The following HSF5 variants were observed in gnomAD, a reference collection of about 807,000 sequenced individuals.
HSF5 encodes the protein heat shock factor protein 5.
In HSF5, 5 loss-of-function variants were observed where a neutral mutation model predicts 50.8. The ratio of observed to expected loss-of-function variants is 0.10; its 90% CI spans 0.05 to 0.21. The LOEUF (loss-of-function observed/expected upper bound fraction) is 0.21. Among genes scored for constraint, HSF5 ranks in the 10% least tolerant of loss-of-function variants. The pLI is 1.00. For synonymous variants in HSF5, 307 were observed against 307.4 expected, an observed-to-expected ratio of 1.00 and a Z score of 0.02; for missense variants, 564 against 762.6, an observed-to-expected ratio of 0.74 and a Z score of 3.07.
At chr17:58,424,943 C>CAAA (rs895415985) in intron 5 of HSF5, among the ~76,000 whole-genome samples, 3 of 152,074 alleles carry the variant, frequency 2.0e-5, no homozygotes, top group African/African-American at 7.2e-5. Context: ...AATTCAGAGA[C>CAAA]AAAAAATAGA....
Position 58,488,066 on chromosome 17 carries a change from TCGGGCTCGG to T in HSF5, c.200_208del (p.Ala67_Pro69del). 6.3e-7 allele frequency: 1 copy of T among 1,592,926 alleles called. No homozygotes were observed. The highest frequency in any genetic ancestry group is 8.5e-7 in the Non-Finnish European group (1 of 1,173,904). Reference sequence around the variant, plus strand: ...GGTGAAGCTGGTGGTTTTGAAGAGCTCGGGCTCGGCCCCGGCCCCCGCAGTCCCGCCACC... The same window carrying T: ...GGTGAAGCTGGTGGTTTTGAAGAGCTCCCCGGCCCCCGCAGTCCCGCCACC... On this transcript the variant is annotated inframe_deletion, in exon 1 of 6. Transcript: ENST00000323777. This position sits in a 1 kb window ranked among gnomAD's most constrained non-coding sequence, Gnocchi z 4.1.
At chr17:58,441,864 T>C (rs1214287622) in intron 5 of HSF5, among the ~76,000 whole-genome samples, 2 of 152,262 alleles carry the variant, frequency 1.3e-5, no homozygotes, top group Admixed American at 6.5e-5. Flanking sequence ...CTGTTGTATG[T>C]TTCCTATTTT....
intron 5 of HSF5, among the ~76,000 whole-genome samples, chr17:58,457,653 C>T (rs566580233): frequency 6.6e-6 from 1 of 152,188 alleles, no homozygotes; most frequent in African/African-American, 2.4e-5. Flanking sequence ...GTTACTTACT[C>T]TAAGCCTAAA....
At chr17:58,443,175 A>T (rs1490833641) in intron 5 of HSF5, among the ~76,000 whole-genome samples, 1 of 151,752 alleles carries the variant, frequency 6.6e-6, no homozygotes, top group Admixed American at 6.6e-5. Flanking sequence ...CCAAAGTGTA[A>T]TTTTTGTATT....
intron 5 of HSF5, among the ~76,000 whole-genome samples, chr17:58,429,397 C>T (rs1234165008): frequency 6.6e-6 from 1 of 152,124 alleles, no homozygotes; most frequent in African/African-American, 2.4e-5. Context: ...TAACTTATAG[C>T]GAGGCATGGT....
intron 4 of HSF5, among the ~76,000 whole-genome samples, chr17:58,461,168 T>C (rs1974788910): frequency 6.6e-6 from 1 of 151,522 alleles, no homozygotes; most frequent in South Asian, 2.1e-4. Context: ...GAGCCAAGAT[T>C]GCGCTACTGC....
At chr17:58,454,586 C>T (rs1326986331) in intron 5 of HSF5, among the ~76,000 whole-genome samples, 1 of 152,110 alleles carries the variant, frequency 6.6e-6, no homozygotes, top group Non-Finnish European at 1.5e-5. Context: ...ATAGAAAACC[C>T]TAAAGATTCC....
At position 58,432,772 on chromosome 17, in the gene HSF5, G is replaced by T. The variant is rs529807986; in HGVS notation, c.1721-10342C>A. Among the ~76,000 whole-genome samples, 5 of 152,218 alleles carry T rather than the reference G, an allele frequency of 3.3e-5. No individual in the cohort carries two copies. The East Asian group carries it at 9.6e-4, about 29-fold the overall frequency. On this transcript the variant is annotated intron_variant, in intron 5 of 5. Coordinates refer to ENST00000323777, the MANE Select transcript of HSF5 (RefSeq NM_001080439.3). ...ATCACTCTGGCAGAAAGACTGTAGG[G>T]GCCAAGAGCAGAAGCAGAAAAACCT...
intron 2 of HSF5, among the ~76,000 whole-genome samples, chr17:58,477,837 A>C (rs1409679365): frequency 6.6e-6 from 1 of 151,990 alleles, no homozygotes; most frequent in African/African-American, 2.4e-5. Flanking sequence ...AAATAAAAAA[A>C]TATTTTAGCT....
At chr17:58,472,945 C>T (rs1024845207) in intron 2 of HSF5, among the ~76,000 whole-genome samples, 5 of 152,138 alleles carry the variant, frequency 3.3e-5, no homozygotes, top group African/African-American at 1.2e-4. Flanking sequence ...TCCACCCTAT[C>T]TGGGAAGAAC....
chr17:58,449,241 C>G (rs1022898472), intron 5 of HSF5, among the ~76,000 whole-genome samples: 2 of 152,074 alleles, frequency 1.3e-5, no homozygotes, highest in Admixed American at 1.3e-4. Context: ...TACAAAACAA[C>G]CAGAAGAACT....
chr17:58,425,892 C>T (rs1410592990), intron 5 of HSF5, among the ~76,000 whole-genome samples: 1 of 152,112 alleles, frequency 6.6e-6, no homozygotes, highest in Non-Finnish European at 1.5e-5. Flanking sequence ...ATGCTTGGGG[C>T]CCCTCCCACC....
At chr17:58,425,371 A>G (rs1244369963) in intron 5 of HSF5, among the ~76,000 whole-genome samples, 2 of 150,920 alleles carry the variant, frequency 1.3e-5, no homozygotes, top group African/African-American at 4.9e-5. Flanking sequence ...GCGTCATTGC[A>G]CTCCAGCCTG....
chr17:58,433,108 G>A (rs1436026648), intron 5 of HSF5, among the ~76,000 whole-genome samples: 1 of 152,144 alleles, frequency 6.6e-6, no homozygotes, highest in African/African-American at 2.4e-5. Flanking sequence ...CTGCCTCCCA[G>A]GCTCAAGCAA....
intron 5 of HSF5, among the ~76,000 whole-genome samples, chr17:58,446,172 G>GA (rs1190563801): frequency 1.3e-5 from 2 of 150,552 alleles, no homozygotes; most frequent in East Asian, 3.9e-4. Flanking sequence ...AAATGGGGCA[G>GA]AGGCAGAGCA....
chr17:58,429,748 A>G (rs1974339830), intron 5 of HSF5, among the ~76,000 whole-genome samples: 3 of 151,446 alleles, frequency 2.0e-5, no homozygotes, highest in Non-Finnish European at 4.4e-5. Context: ...TGGGAGGCTG[A>G]GGCAGGAGAA....
At chr17:58,473,688 T>C (rs1347125932) in intron 2 of HSF5, among the ~76,000 whole-genome samples, 2 of 152,170 alleles carry the variant, frequency 1.3e-5, no homozygotes, top group African/African-American at 4.8e-5. Context: ...AGTCTGCTTC[T>C]AACGTGAGAA....
Position 58,480,178 on chromosome 17 carries a change from T to C in HSF5, c.640A>G (p.Ser214Gly), listed in dbSNP as rs1303079947. ...SCVSTPSHDHSTYPLKGLDRT... is the reference protein window; with the variant it reads ...SCVSTPSHDHGTYPLKGLDRT... ...TCTAAACCTTTCAGAGGGTAAGTACTGTGGTCGTGGGATGGAGTTGATACA... is the reference window on the plus strand; with the variant it reads ...TCTAAACCTTTCAGAGGGTAAGTACCGTGGTCGTGGGATGGAGTTGATACA... The change falls in exon 2 of 6, where the codon AGT becomes GGT. Residue 214 changes from serine to glycine, a missense_variant. This residue lies in a region of HSF5 where 441 missense variants were observed against 533.6 expected (regional missense o/e 0.83). Coordinates refer to ENST00000323777, the MANE Select transcript of HSF5 (RefSeq NM_001080439.3). 2 of 1,614,096 alleles carry C rather than the reference T, an allele frequency of 1.2e-6. No homozygotes were observed. The highest frequency in any genetic ancestry group is 1.7e-6 in the Non-Finnish European group (2 of 1,180,036).
intron 1 of HSF5, among the ~76,000 whole-genome samples, chr17:58,482,514 G>A (rs1401603372): frequency 6.6e-6 from 1 of 151,748 alleles, no homozygotes; most frequent in Non-Finnish European, 1.5e-5. Context: ...TTCAAGACCA[G>A]CCTGACTAAC....
Sources: gnomAD v4.1 joint callset for allele counts (sites outside exome capture counted in the v4.1 genomes callset) on GRCh38, gnomAD v4.1.1 for gene constraint, gnomAD v4.1.1 regional missense constraint, Gnocchi (gnomAD v3.1) non-coding constraint, MANE v1.5 for transcripts, NCBI Gene and HGNC (gene_info 2026-07-23, HGNC 2026-07-21) for gene names.